RABGAP1L: variants seen among roughly 807,000 people sequenced by gnomAD.
RABGAP1L encodes RAB GTPase activating protein 1 like.
In RABGAP1L, 63 loss-of-function variants were observed where a neutral mutation model predicts 137.7. The ratio of observed to expected loss-of-function variants is 0.46; its 90% confidence interval spans 0.37 to 0.56. The LOEUF (loss-of-function observed/expected upper bound fraction) is 0.56, where lower values mean the gene tolerates loss of function less well. RABGAP1L is among the 20% of genes least tolerant of loss of function. The pLI, the probability that RABGAP1L is intolerant of heterozygous loss-of-function variation, is 0.00. For synonymous variants in RABGAP1L, 431 were observed against 433.7 expected (o/e 0.99, Z 0.08); for missense variants, 1,095 against 1,244.0 (o/e 0.88, Z 1.80).
intron 13 of RABGAP1L, among the ~76,000 whole-genome samples, chr1:174,636,594 T>G (rs1381398551): frequency 6.6e-6 from 1 of 152,108 alleles, no homozygotes; most frequent in African/African-American, 2.4e-5. Flanking sequence ...TGGAATCAGT[T>G]TGTTGGGTAA....
intron 19 of RABGAP1L, among the ~76,000 whole-genome samples, chr1:174,930,445 GTAGCTGTGCCTGC>G (rs1033471532): frequency 5.3e-5 from 8 of 151,704 alleles, no homozygotes; most frequent in Non-Finnish European, 1.2e-4. Context: ...AGTCTCTCTG[GTAGCTGTGCCTGC>G]AGTCACATGC....
intron 13 of RABGAP1L, among the ~76,000 whole-genome samples, chr1:174,464,837 C>T (rs189399386): frequency 3.4e-4 from 51 of 151,904 alleles, no homozygotes; most frequent in African/African-American, 1.1e-3. Flanking sequence ...ATTATATTCT[C>T]TATGTGCTTT....
intron 13 of RABGAP1L, among the ~76,000 whole-genome samples, chr1:174,611,128 C>T (rs1211223833): frequency 6.7e-6 from 1 of 148,448 alleles, no homozygotes; most frequent in Non-Finnish European, 1.5e-5. Context: ...GAAGTCCTTG[C>T]CCATGCCTAT....
intron 19 of RABGAP1L, among the ~76,000 whole-genome samples, chr1:174,898,155 A>G (rs540537054): frequency 8.5e-5 from 13 of 152,322 alleles, no homozygotes; most frequent in African/African-American, 3.1e-4. Context: ...GCAGTATGGT[A>G]GCCTAGGTTT....
At chr1:174,434,151 A>ACC (rs1553301882) in intron 13 of RABGAP1L, among the ~76,000 whole-genome samples, 82 of 147,590 alleles carry the variant, frequency 5.6e-4, no homozygotes, top group Admixed American at 8.1e-4. Flanking sequence ...ACACACACAC[A>ACC]CCCTGCCTGG....
chr1:174,611,578 T>C (rs1377548435), intron 13 of RABGAP1L, among the ~76,000 whole-genome samples: 1 of 150,098 alleles, frequency 6.7e-6, no homozygotes, highest in Non-Finnish European at 1.5e-5. Flanking sequence ...AGTAGTTTTT[T>C]CCAATTCTGT....
intron 11 of RABGAP1L, among the ~76,000 whole-genome samples, chr1:174,325,941 G>C (rs917721638): frequency 1.3e-5 from 2 of 152,220 alleles, no homozygotes; most frequent in African/African-American, 4.8e-5. Flanking sequence ...GGCCCTTCAG[G>C]GACCTTCCGT....
intron 13 of RABGAP1L, among the ~76,000 whole-genome samples, chr1:174,421,801 C>T (rs911515498): frequency 5.9e-5 from 9 of 152,224 alleles, no homozygotes; most frequent in African/African-American, 2.2e-4. Flanking sequence ...CGGAGTCTCA[C>T]TCTGTTGCCC....
rs1212641101 is a variant in RABGAP1L, at chr1:174,629,289, AT to A, written c.1711-8082del. On this transcript the variant is annotated intron_variant, in intron 13 of 25. Transcript: ENST00000681986. ...TCAAAAACACAATTATTTTCTTTTG[AT>A]TTTCACAAGTTCAGTACACAATTTC... Among the ~76,000 whole-genome samples, 3 of 152,140 alleles carry A rather than the reference AT, an allele frequency of 2.0e-5. No individual in the cohort carries two copies. In the East Asian group the frequency reaches 5.8e-4, roughly 29 times the overall value.
chr1:174,731,997 T>C (rs1682513915), intron 17 of RABGAP1L, among the ~76,000 whole-genome samples: 1 of 152,166 alleles, frequency 6.6e-6, no homozygotes, highest in African/African-American at 2.4e-5. Context: ...GGTCAAGAGA[T>C]TGAGACCATC....
chr1:174,617,254 A>C (rs1671973975), intron 13 of RABGAP1L, among the ~76,000 whole-genome samples: 1 of 152,214 alleles, frequency 6.6e-6, no homozygotes, highest in Non-Finnish European at 1.5e-5. Flanking sequence ...CCTATCTCCA[A>C]ATATTATGCC....
chr1:174,299,960 G>A (rs1677512875), intron 10 of RABGAP1L, among the ~76,000 whole-genome samples: 2 of 152,104 alleles, frequency 1.3e-5, no homozygotes, highest in Non-Finnish European at 2.9e-5. Flanking sequence ...AATACCCAGG[G>A]TGGTTACAGT....
At chr1:174,947,747 A>T (rs1405300206) in intron 19 of RABGAP1L, among the ~76,000 whole-genome samples, 1 of 152,178 alleles carries the variant, frequency 6.6e-6, no homozygotes, top group East Asian at 1.9e-4. Flanking sequence ...AACCACCTCA[A>T]ATAAAGTATC....
At chr1:174,715,673 T>G (rs1256377276) in intron 17 of RABGAP1L, among the ~76,000 whole-genome samples, 1 of 152,246 alleles carries the variant, frequency 6.6e-6, no homozygotes, top group African/African-American at 2.4e-5. Flanking sequence ...TTGTCCTTCA[T>G]GTCCCTTAGT....
intron 23 of RABGAP1L, among the ~76,000 whole-genome samples, 157 bp from the exon 24 acceptor site, chr1:174,982,677 C>T (rs1350923312): frequency 2.0e-5 from 3 of 152,236 alleles, no homozygotes; most frequent in Non-Finnish European, 2.9e-5. Flanking sequence ...TTCTGCTGCT[C>T]ATTTCCGAAA....
intron 13 of RABGAP1L, among the ~76,000 whole-genome samples, chr1:174,549,337 A>G (rs1666257777): frequency 6.6e-6 from 1 of 152,200 alleles, no homozygotes; most frequent in Admixed American, 6.5e-5. Flanking sequence ...TAAATTATAG[A>G]AAGTAAACTC....
intron 19 of RABGAP1L, among the ~76,000 whole-genome samples, chr1:174,841,910 A>G (rs765276929): frequency 4.6e-5 from 7 of 151,934 alleles, no homozygotes; most frequent in South Asian, 4.1e-4. Flanking sequence ...GTGAAACCAT[A>G]TAACAGCTGC....
At chr1:174,314,007 A>G (rs1270549626) in intron 11 of RABGAP1L, among the ~76,000 whole-genome samples, 1 of 152,090 alleles carries the variant, frequency 6.6e-6, no homozygotes, top group Non-Finnish European at 1.5e-5. Flanking sequence ...GTATCAGGGT[A>G]ATACTGGCCT....
chr1:174,178,954 C>A (rs1666123036), intron 1 of RABGAP1L, among the ~76,000 whole-genome samples: 1 of 152,152 alleles, frequency 6.6e-6, no homozygotes, highest in Admixed American at 6.6e-5. Flanking sequence ...ACCTATGTAA[C>A]AAGCCTGCAC....
Sources: gnomAD v4.1 joint callset for allele counts (sites outside exome capture counted in the v4.1 genomes callset) on GRCh38, gnomAD v4.1.1 for gene constraint, MANE v1.5 for transcripts, NCBI Gene and HGNC (gene_info 2026-07-23, HGNC 2026-07-21) for gene names.